The following TCEANC2 variants were observed in gnomAD, a reference collection of about 807,000 sequenced individuals.
TCEANC2 encodes the protein transcription elongation factor A N-terminal and central domain-containing protein 2.
In TCEANC2, 20 loss-of-function variants were observed where a neutral mutation model predicts 22.8. The ratio of observed to expected loss-of-function variants is 0.88; its 90% confidence interval spans 0.62 to 1.28. The LOEUF is 1.28. TCEANC2 is among the 50% of genes most tolerant of loss of function. The probability of loss-of-function intolerance (pLI) is 0.00; values close to 1 mark genes in which losing one functional copy is unlikely to be tolerated. For synonymous variants in TCEANC2, 84 were observed against 95.5 expected (o/e 0.88, Z 0.70); for missense variants, 251 against 249.7 (o/e 1.01, Z -0.03).
rs112868756 is a variant in TCEANC2 at position 54,053,648 on chromosome 1, C to T, written c.-153C>T. 254 of 161,556 alleles carry T rather than the reference C, an allele frequency of 1.6e-3. 1 individual carries two copies. Among genetic ancestry groups the T allele is most frequent in the African/African-American group, 5.6e-3 (235 of 41,724 alleles). 10.0% of individuals were successfully genotyped at this position (161,556 alleles called of 1,614,324 possible). A position where few individuals can be genotyped will look rare whatever the true frequency, so the allele number is the denominator to read the frequency against. ...GGCGGAGTTTCTTCAGAGGAACTAC[C>T]GCCCTGGGAGGAAGCGTCTGTTTAG... On this transcript the variant is annotated 5_prime_UTR_variant, in exon 1 of 5. Transcript: ENST00000234827.
At chr1:54,068,435 G>T (rs913980357) in intron 2 of TCEANC2, among the ~76,000 whole-genome samples, 3 of 152,186 alleles carry the variant, frequency 2.0e-5, no homozygotes, top group African/African-American at 2.4e-5. Flanking sequence ...TCTTAAGTGA[G>T]CTATAGAGTT....
At position 54,099,743 on chromosome 1, in the gene TCEANC2, CAAAA is replaced by C. The variant is rs36005233; in HGVS notation, c.*3284_*3287del. ...TGGGCAACAGAGTGAGACTCTGTCT[CAAAA>C]AAAAAAAAAAAAAGAGAAAAAGAAA... On this transcript the variant is annotated 3_prime_UTR_variant, in exon 5 of 5. Transcript: ENST00000234827. 8 of 108,234 alleles carry C rather than the reference CAAAA, an allele frequency of 7.4e-5. No individual in the cohort carries two copies. Among genetic ancestry groups the C allele is most frequent in the Admixed American group, 9.0e-5 (1 of 11,088 alleles). The allele number at this position is 108,234 out of a possible 1,614,324, so 6.7% of individuals were successfully genotyped here.
chr1:54,087,791 T>C (rs1340378057), intron 3 of TCEANC2, among the ~76,000 whole-genome samples: 1 of 152,214 alleles, frequency 6.6e-6, no homozygotes, highest in African/African-American at 2.4e-5. Context: ...GAAAAATCAC[T>C]GACTGTGGAA....
chr1:54,081,678 AGTC>A (rs34379369), intron 3 of TCEANC2, among the ~76,000 whole-genome samples: 44,183 of 151,926 alleles, frequency 0.29, 6,989 homozygotes, highest in Admixed American at 0.43. Context: ...TTTTGCTGTT[AGTC>A]CTCTTTGGAA....
intron 3 of TCEANC2, among the ~76,000 whole-genome samples, chr1:54,088,312 T>A (rs1658377598): frequency 1.3e-5 from 2 of 152,366 alleles, no homozygotes; most frequent in South Asian, 4.1e-4. Flanking sequence ...TTCATTTTTT[T>A]TAAAGTAATT....
chr1:54,064,692 CTTTT>C (rs67486092), intron 2 of TCEANC2, among the ~76,000 whole-genome samples: 4 of 93,664 alleles, frequency 4.3e-5, no homozygotes, highest in Admixed American at 1.4e-4. Context: ...TGCATTTTTC[CTTTT>C]TTTTTTTTTT....
chr1:54,061,763 A>C (rs1476865326), intron 2 of TCEANC2, among the ~76,000 whole-genome samples: 1 of 151,940 alleles, frequency 6.6e-6, no homozygotes, highest in Non-Finnish European at 1.5e-5. Context: ...AAAAAAAAAA[A>C]GTGGAAGTTT....
At chr1:54,057,768 C>G (rs539882257) in intron 2 of TCEANC2, among the ~76,000 whole-genome samples, 1 of 152,278 alleles carries the variant, frequency 6.6e-6, no homozygotes, top group African/African-American at 2.4e-5. Flanking sequence ...TTACATGACA[C>G]CCAAGGCCTT....
chr1:54,109,224 G>C (rs115795942), downstream of TCEANC2, among the ~76,000 whole-genome samples: 2,167 of 152,328 alleles, frequency 0.014, 54 homozygotes, highest in African/African-American at 0.05. Flanking sequence ...TGTGAGCTGG[G>C]TTTGAGAGTT....
At chr1:54,081,544 C>A (rs1419165087) in intron 3 of TCEANC2, among the ~76,000 whole-genome samples, 1 of 152,168 alleles carries the variant, frequency 6.6e-6, no homozygotes, top group African/African-American at 2.4e-5. Context: ...CCATGCGCAG[C>A]CTGTCATTAT....
Position 54,068,881 on chromosome 1 carries a change from A to T in TCEANC2, c.228A>T (p.Leu76Phe). 1 of 1,596,360 alleles carries T rather than the reference A, an allele frequency of 6.3e-7. No homozygotes were observed. Among genetic ancestry groups the T allele is most frequent in the Non-Finnish European group, 8.5e-7 (1 of 1,175,240 alleles). Reference protein sequence around the residue: ...LKKKIPSREVLKSTRIGHTVN... With the variant: ...LKKKIPSREVFKSTRIGHTVN... Reference sequence around the variant, plus strand: ...AGAAAATACCCTCCAGGGAAGTGTTAAAATCAACAAGGATAGGTATATTCC... The same window carrying T: ...AGAAAATACCCTCCAGGGAAGTGTTTAAATCAACAAGGATAGGTATATTCC... The change falls in exon 3 of 5, where the codon TTA becomes TTT. Residue 76 changes from leucine (L) to phenylalanine (F), a missense_variant. By Grantham distance (22) the Leu-to-Phe change is conservative (BLOSUM62 0). Transcript: ENST00000234827.
At chr1:54,106,465 T>A (rs1402035545), downstream of TCEANC2, among the ~76,000 whole-genome samples, 2 of 152,234 alleles carry the variant, frequency 1.3e-5, no homozygotes, top group African/African-American at 4.8e-5. Context: ...CTTTGACATG[T>A]GATCAATGTA....
Position 54,096,596 on chromosome 1 carries a change from C to G in TCEANC2, c.*123C>G. The G allele has an allele frequency of 7.0e-7, 1 of 1,421,212 alleles. No homozygotes were observed. Among genetic ancestry groups the G allele is most frequent in the Non-Finnish European group, 9.2e-7 (1 of 1,083,002 alleles). The allele number at this position is 1,421,212 out of a possible 1,614,324, so 88.0% of individuals were successfully genotyped here. On this transcript the variant is annotated 3_prime_UTR_variant, in exon 5 of 5. Transcript: ENST00000234827. The surrounding 1 kb of genome is among the most constrained non-coding windows in gnomAD (Gnocchi z 4.9). ...GCTGTGCTAGATTTTCCCATGGTGC[C>G]GTTCCTTTGCAGACAGAGGATTCGG...
rs752770321 is a variant in TCEANC2, at chr1:54,054,504, G to A, written c.82G>A (p.Ala28Thr). The A allele has an allele frequency of 1.2e-6, 2 of 1,613,414 alleles. No individual in the cohort carries two copies. Among genetic ancestry groups the A allele is most frequent in the East Asian group, 2.2e-5 (1 of 44,848 alleles). ...KDSGGKVYKQ[A>T]TIESLKRVVV... ...TTCTGGAGGAAAGGTTTACAAGCAG[G>A]CCACGATTGAATCTCTGAAGGTGAG... is the stretch of plus-strand genomic sequence containing the variant. Residue 28 changes from alanine (A) to threonine (T), a missense_variant, in exon 2 of 5, where the codon GCC (alanine) becomes ACC (threonine). Physicochemically the swap from Ala to Thr is moderately conservative, Grantham distance 58. Coordinates refer to ENST00000234827, the MANE Select transcript of TCEANC2 (RefSeq NM_153035.3).
chr1:54,093,769 GCTGGAGTGGCCATGA>G (rs1263162292), intron 4 of TCEANC2, among the ~76,000 whole-genome samples: 7 of 146,728 alleles, frequency 4.8e-5, no homozygotes, highest in Non-Finnish European at 7.4e-5. Flanking sequence ...ACTATAATTT[GCTGGAGTGGCCATGA>G]CTTGTTTTAC....
chr1:54,096,215 C>G lies in TCEANC2; in HGVS notation c.439-70C>G, dbSNP rs1445491606. 11 of 1,519,986 alleles carry G rather than the reference C, an allele frequency of 7.2e-6. No homozygotes were observed. Among genetic ancestry groups the G allele is most frequent in the Non-Finnish European group, 9.8e-6 (11 of 1,125,002 alleles). The allele number at this position is 1,519,986 out of a possible 1,614,324, so 94.2% of individuals were successfully genotyped here. A position where few individuals can be genotyped will look rare whatever the true frequency, so the allele number is the denominator to read the frequency against. On this transcript the variant is annotated intron_variant, in intron 4 of 4. Transcript: ENST00000234827. This position sits in a 1 kb window ranked among gnomAD's most constrained non-coding sequence, Gnocchi z 4.9. ...TTAATGGAGGCCTCTGAGCAGAGTG[C>G]TCCAGCCTCTCTTGCTTTTAATCCT... is the stretch of plus-strand genomic sequence containing the variant.
In TCEANC2 at chr1:54,097,001, C is replaced by G. The variant is rs925002410; in HGVS notation, c.*528C>G. On this transcript the variant is annotated 3_prime_UTR_variant, in exon 5 of 5. Coordinates refer to ENST00000234827, the MANE Select transcript of TCEANC2 (RefSeq NM_153035.3). ...CCAACTACCCCTTCTTCCCAGAGCTCACTTATCTGAACGTTTCAGCTCTCC... is the reference window on the plus strand; with the variant it reads ...CCAACTACCCCTTCTTCCCAGAGCTGACTTATCTGAACGTTTCAGCTCTCC... 1.0e-6 allele frequency: 1 copy of G among 985,800 alleles called. No individual in the cohort carries two copies. 61.1% of individuals were successfully genotyped at this position (985,800 alleles called of 1,614,324 possible).
At chr1:54,080,711 TTGG>T (rs1658223626) in intron 3 of TCEANC2, among the ~76,000 whole-genome samples, 1 of 152,224 alleles carries the variant, frequency 6.6e-6, no homozygotes, top group African/African-American at 2.4e-5. Context: ...CTATGAGTAT[TTGG>T]TAATGTTTGG....
chr1:54,078,942 A>G (rs1303184029), intron 3 of TCEANC2, among the ~76,000 whole-genome samples: 1 of 152,196 alleles, frequency 6.6e-6, no homozygotes, highest in Non-Finnish European at 1.5e-5. Flanking sequence ...TGGTCTGGGA[A>G]GTTGAGGGCC....
Sources: allele counts gnomAD v4.1 joint callset (sites outside exome capture counted in the v4.1 genomes callset), GRCh38; gene constraint gnomAD v4.1.1; non-coding constraint Gnocchi (gnomAD v3.1); transcripts MANE v1.5; gene names NCBI Gene and HGNC (gene_info 2026-07-23, HGNC 2026-07-21).